The following PCNX2 variants were observed in gnomAD, a reference collection of about 807,000 sequenced individuals.
PCNX2 encodes pecanex 2.
In PCNX2, 168 loss-of-function variants were observed where a neutral mutation model predicts 223.8. That is an observed-to-expected ratio of 0.75 (90% CI 0.66 to 0.85). The LOEUF (loss-of-function observed/expected upper bound fraction) is 0.85, where lower values mean the gene tolerates loss of function less well. Among genes scored for constraint, PCNX2 ranks in the 40% least tolerant of loss-of-function variants. PCNX2 has a pLI of 0.00. For missense variants in PCNX2, 2,507 were observed against 2,675.5 expected (o/e 0.94, Z 1.39); for synonymous variants, 1,006 against 1,052.6 (o/e 0.96, Z 0.86).
intron 9 of PCNX2, among the ~76,000 whole-genome samples, chr1:233,235,957 A>AAATATATATATATATATATATATATATAT (rs369886650): frequency 1.1e-5 from 1 of 93,114 alleles, no homozygotes; most frequent in Non-Finnish European, 2.2e-5. Context: ...CATAAAAAAA[A>AAATATATATATATATATATATATATATAT]ATATATATAT....
intron 23 of PCNX2, among the ~76,000 whole-genome samples, chr1:233,061,301 C>A (rs1318822232): frequency 6.6e-6 from 1 of 152,196 alleles, no homozygotes; most frequent in African/African-American, 2.4e-5. Context: ...ATTATATGCA[C>A]AAGGTACAGC....
At chr1:233,260,563 A>AT (rs1430394166) in intron 4 of PCNX2, among the ~76,000 whole-genome samples, 5 of 152,240 alleles carry the variant, frequency 3.3e-5, no homozygotes, top group African/African-American at 1.2e-4. Context: ...TCCTTTACAT[A>AT]TTGTTATAAT....
chr1:233,120,182 A>G (rs1417006985), intron 21 of PCNX2, among the ~76,000 whole-genome samples: 2 of 144,704 alleles, frequency 1.4e-5, no homozygotes, highest in African/African-American at 5.2e-5. Flanking sequence ...AAAAAAAAAA[A>G]AAGAAATAAA....
At chr1:233,145,655 C>T (rs1279137855) in intron 19 of PCNX2, among the ~76,000 whole-genome samples, 2 of 152,170 alleles carry the variant, frequency 1.3e-5, no homozygotes, top group African/African-American at 4.8e-5. Flanking sequence ...CTACCGGAGG[C>T]TGCCAGGGGC....
intron 24 of PCNX2, chr1:233,054,703 A>T: frequency 2.1e-6 from 1 of 469,964 alleles, no homozygotes; most frequent in Admixed American, 3.8e-5. Flanking sequence ...CATAAGCAGC[A>T]TCGATTTATA....
chr1:233,010,925 T>G (rs1158998106), intron 28 of PCNX2, among the ~76,000 whole-genome samples: 4 of 152,218 alleles, frequency 2.6e-5, no homozygotes, highest in African/African-American at 7.2e-5. Flanking sequence ...TCAAGACATT[T>G]CCCCCAACAA....
chr1:233,150,186 C>A (rs1172321743), intron 19 of PCNX2, among the ~76,000 whole-genome samples: 1 of 152,146 alleles, frequency 6.6e-6, no homozygotes, highest in African/African-American at 2.4e-5. Flanking sequence ...ACCTGACTAA[C>A]TGATGGATTA....
chr1:233,127,118 T>C (rs1676147783), intron 21 of PCNX2, among the ~76,000 whole-genome samples: 1 of 152,236 alleles, frequency 6.6e-6, no homozygotes, highest in African/African-American at 2.4e-5. Flanking sequence ...GTTTACTCAC[T>C]TCCACAAAGA....
chr1:233,036,629 CA>C (rs34006978), intron 25 of PCNX2, among the ~76,000 whole-genome samples: 24,760 of 132,364 alleles, frequency 0.19, 2,652 homozygotes, highest in African/African-American at 0.32. Context: ...GACTCCATCT[CA>C]AAAAAAAAAA....
At chr1:233,191,001 T>C (rs181906043) in intron 15 of PCNX2, among the ~76,000 whole-genome samples, 33 of 152,270 alleles carry the variant, frequency 2.2e-4, no homozygotes, top group African/African-American at 7.9e-4. Flanking sequence ...GGAGCCACAT[T>C]TGGGGAGGTG....
chr1:233,227,220 G>T lies in PCNX2; in HGVS notation c.2504+6C>A, dbSNP rs1212516229. On this transcript the variant is annotated splice_donor_region_variant and intron_variant, in intron 10 of 33. Coordinates refer to ENST00000258229, the MANE Select transcript of PCNX2 (RefSeq NM_014801.4). ...CGACAGTGTGTGTGCATGCTCAGTG[G>T]CTTACCGATCAAGTAATGCCAGCAA... The T allele has an allele frequency of 3.7e-6, 6 of 1,610,770 alleles. No individual in the cohort carries two copies. Among genetic ancestry groups the T allele is most frequent in the Non-Finnish European group, 5.1e-6 (6 of 1,178,384 alleles).
chr1:233,251,480 A>C (rs899639008), intron 7 of PCNX2, among the ~76,000 whole-genome samples: 1 of 152,210 alleles, frequency 6.6e-6, no homozygotes, highest in African/African-American at 2.4e-5. Flanking sequence ...TTCAGTTGAC[A>C]CAGGAAGCAT....
chr1:233,239,819 A>G (rs1658645908), intron 8 of PCNX2, among the ~76,000 whole-genome samples: 1 of 152,212 alleles, frequency 6.6e-6, no homozygotes, highest in Non-Finnish European at 1.5e-5. Context: ...CAAATGGTAT[A>G]TTAATTTCAG....
At chr1:233,217,767 T>TA in intron 12 of PCNX2, 132 bp downstream of exon 12, 1 of 893,316 alleles carries the variant, frequency 1.1e-6, no homozygotes, top group Non-Finnish European at 1.6e-6. Flanking sequence ...TATATATATA[T>TA]TTGATATTTC....
At chr1:233,234,759 C>T (rs1184684808) in intron 9 of PCNX2, among the ~76,000 whole-genome samples, 1 of 152,144 alleles carries the variant, frequency 6.6e-6, no homozygotes, top group Non-Finnish European at 1.5e-5. Context: ...GAAGGTTCAA[C>T]ACTAATGTTC....
At chr1:233,213,033 C>T (rs1681906589) in intron 12 of PCNX2, among the ~76,000 whole-genome samples, 1 of 152,190 alleles carries the variant, frequency 6.6e-6, no homozygotes, top group Admixed American at 6.5e-5. Flanking sequence ...TAATCCCTAT[C>T]TTATCGTGAG....
intron 8 of PCNX2, chr1:233,241,399 C>T: frequency 1.0e-6 from 1 of 983,248 alleles, no homozygotes; most frequent in South Asian, 4.7e-5. Flanking sequence ...AACCTTTCGT[C>T]CTTATGCCTC....
chr1:233,199,758 T>A (rs982402186), intron 14 of PCNX2, among the ~76,000 whole-genome samples: 7 of 151,548 alleles, frequency 4.6e-5, no homozygotes, highest in African/African-American at 1.5e-4. Flanking sequence ...CTCACCACAT[T>A]GATGCACTCC....
rs558477073 is a variant in PCNX2, at chr1:233,253,542, C to T, written c.1835-754G>A. On this transcript the variant is annotated intron_variant, in intron 5 of 33. Coordinates refer to ENST00000258229, the MANE Select transcript of PCNX2 (RefSeq NM_014801.4). The surrounding 1 kb of genome is among the most constrained non-coding windows in gnomAD (Gnocchi z 4.2). Reference sequence around the variant, plus strand: ...TAAATTTTATGTAGGTATAGGGGCACGCTATGTTGTTCAGGCTGGTCTTGA... The same window carrying T: ...TAAATTTTATGTAGGTATAGGGGCATGCTATGTTGTTCAGGCTGGTCTTGA... Among the ~76,000 whole-genome samples, 56 of 152,246 alleles carry T rather than the reference C, an allele frequency of 3.7e-4. No individual in the cohort carries two copies. The Middle Eastern group carries it at 0.01, about 28-fold the overall frequency.
Sources: gnomAD v4.1 joint callset for allele counts (sites outside exome capture counted in the v4.1 genomes callset) on GRCh38, gnomAD v4.1.1 for gene constraint, Gnocchi (gnomAD v3.1) non-coding constraint, MANE v1.5 for transcripts, NCBI Gene and HGNC (gene_info 2026-07-23, HGNC 2026-07-21) for gene names.